Variants in FAM135B observed in about 807,000 individuals in gnomAD.
FAM135B encodes the protein protein FAM135B.
Under a neutral mutation model 127.7 loss-of-function variants are expected in FAM135B, and 43 were observed. That is an observed-to-expected ratio of 0.34 (90% confidence interval 0.26 to 0.43). The LOEUF is 0.43. FAM135B is among the 20% of genes least tolerant of loss of function. The probability of loss-of-function intolerance (pLI) is 1.00; values close to 1 mark genes in which losing one functional copy is unlikely to be tolerated. For missense variants in FAM135B, 1,558 were observed against 1,725.6 expected, an observed-to-expected ratio of 0.90 and a Z score of 1.72; for synonymous variants, 670 against 665.1, an observed-to-expected ratio of 1.01 and a Z score of -0.11.
chr8:138,405,256 C>T (rs1032270804), intron 1 of FAM135B, among the ~76,000 whole-genome samples: 41 of 149,454 alleles, frequency 2.7e-4, no homozygotes, highest in Admixed American at 1.7e-3. Context: ...TTTTAGGGTA[C>T]AAGTGCACAA....
chr8:138,323,555 A>G (rs530649133), intron 2 of FAM135B, among the ~76,000 whole-genome samples: 1 of 152,372 alleles, frequency 6.6e-6, no homozygotes, highest in African/African-American at 2.4e-5. Context: ...TAAGGATGGA[A>G]GAGCAGAAGG....
In FAM135B at chr8:138,453,893, C is replaced by T. The variant is rs147924042; in HGVS notation, c.-20+42778G>A. 4.2e-3 allele frequency among the ~76,000 whole-genome samples: 636 copies of T among 152,236 alleles called. 5 individuals carry two copies. The highest frequency in any genetic ancestry group is 0.015 in the African/African-American group (618 of 41,542). On this transcript the variant is annotated intron_variant, in intron 1 of 19. Transcript: ENST00000395297. ...AGGTCAGATTAAATTATGTAATCCT[C>T]ATAAAGTAGAAGGATCTTTGCTATG...
intron 2 of FAM135B, among the ~76,000 whole-genome samples, chr8:138,346,127 G>A (rs1224596994): frequency 2.0e-5 from 3 of 152,166 alleles, no homozygotes; most frequent in South Asian, 2.1e-4. Flanking sequence ...AGTCAGAATG[G>A]TGATTATTAA....
intron 3 of FAM135B, among the ~76,000 whole-genome samples, chr8:138,286,696 T>A (rs1824713491): frequency 6.6e-6 from 1 of 152,192 alleles, no homozygotes; most frequent in Admixed American, 6.5e-5. Context: ...CCTGGTGCCA[T>A]TTTAAGGCCC....
At chr8:138,300,473 A>G (rs1248347069) in intron 3 of FAM135B, among the ~76,000 whole-genome samples, 1 of 152,100 alleles carries the variant, frequency 6.6e-6, no homozygotes, top group Non-Finnish European at 1.5e-5. Context: ...ATGAAAATGC[A>G]TCTGTGAGCA....
At chr8:138,375,836 C>T (rs1203252690) in intron 1 of FAM135B, among the ~76,000 whole-genome samples, 1 of 152,102 alleles carries the variant, frequency 6.6e-6, no homozygotes, top group Non-Finnish European at 1.5e-5. Context: ...AAATTGTGAC[C>T]TGCAGGTCTT....
At position 138,242,274 on chromosome 8, in the gene FAM135B, T is replaced by C. The variant is rs576469569; in HGVS notation, c.669+668A>G. On this transcript the variant is annotated intron_variant, in intron 7 of 19. Coordinates refer to ENST00000395297, the MANE Select transcript of FAM135B (RefSeq NM_015912.4). This position sits in a 1 kb window ranked among gnomAD's most constrained non-coding sequence, Gnocchi z 9.6. Reference sequence around the variant, plus strand: ...GAGAACCCTGAATAATACAGGCTGTTTATTTATGAGTAGGCCACTAATAAA... The same window carrying C: ...GAGAACCCTGAATAATACAGGCTGTCTATTTATGAGTAGGCCACTAATAAA... Among the ~76,000 whole-genome samples, 5 of 150,472 alleles carry C rather than the reference T, an allele frequency of 3.3e-5. No homozygotes were observed. The highest frequency in any genetic ancestry group is 1.2e-4 in the African/African-American group (5 of 40,984).
At chr8:138,469,167 C>T (rs1837544790) in intron 1 of FAM135B, among the ~76,000 whole-genome samples, 1 of 150,788 alleles carries the variant, frequency 6.6e-6, no homozygotes, top group East Asian at 2.0e-4. Flanking sequence ...GGAAAAAATG[C>T]TTAAAATTTT....
At chr8:138,166,442 CAT>C (rs949061590) in intron 12 of FAM135B, among the ~76,000 whole-genome samples, 1 of 152,224 alleles carries the variant, frequency 6.6e-6, no homozygotes, top group Non-Finnish European at 1.5e-5. Context: ...TACACACAAA[CAT>C]GTGATCTTTT....
At chr8:138,494,426 A>C (rs1815309372) in intron 1 of FAM135B, among the ~76,000 whole-genome samples, 1 of 152,242 alleles carries the variant, frequency 6.6e-6, no homozygotes, top group Non-Finnish European at 1.5e-5. Context: ...TGTGCAAGCG[A>C]TGACACAGCA....
At chr8:138,372,228 C>A (rs1273281968) in intron 1 of FAM135B, among the ~76,000 whole-genome samples, 1 of 152,216 alleles carries the variant, frequency 6.6e-6, no homozygotes, top group Non-Finnish European at 1.5e-5. Flanking sequence ...GCCCTTGGTA[C>A]TGCCCTTCAC....
chr8:138,204,125 C>G (rs1232115512), intron 7 of FAM135B, among the ~76,000 whole-genome samples: 8 of 152,228 alleles, frequency 5.3e-5, no homozygotes, highest in Admixed American at 4.6e-4. Context: ...CAGTACCTGT[C>G]TGTGTCCCAG....
At chr8:138,314,721 A>AAATAAATAAATAAATT (rs1396736185) in intron 2 of FAM135B, among the ~76,000 whole-genome samples, 2 of 150,638 alleles carry the variant, frequency 1.3e-5, no homozygotes, top group Non-Finnish European at 1.5e-5. Flanking sequence ...ATAAATAAAT[A>AAATAAATAAATAAATT]AATTAGCTGG....
chr8:138,338,326 T>C (rs1027670140), intron 2 of FAM135B, among the ~76,000 whole-genome samples: 3 of 151,628 alleles, frequency 2.0e-5, no homozygotes, highest in Admixed American at 6.6e-5. Flanking sequence ...ACAGGCAACC[T>C]ACAAAATGGG....
chr8:138,492,311 A>G (rs1344899979), intron 1 of FAM135B, among the ~76,000 whole-genome samples: 1 of 151,856 alleles, frequency 6.6e-6, no homozygotes. Context: ...ATAGGAAGCA[A>G]TCTGTTCATT....
chr8:138,190,421 G>C (rs1235576808), intron 9 of FAM135B, among the ~76,000 whole-genome samples: 1 of 152,094 alleles, frequency 6.6e-6, no homozygotes, highest in East Asian at 1.9e-4. Context: ...TAAAACAGAG[G>C]GCTTAAGACT....
In FAM135B at chr8:138,362,429, C is replaced by A. The variant is rs1462643519; in HGVS notation, c.77+5478G>T. On this transcript the variant is annotated intron_variant, in intron 2 of 19. Transcript: ENST00000395297. ...CACTGACAGCCATTGGTTGAGTGAC[C>A]CTTTAATTTATGAGACTTTGGTCTG... is the stretch of plus-strand genomic sequence containing the variant. Among the ~76,000 whole-genome samples the A allele has an allele frequency of 2.0e-5, 3 of 151,878 alleles. No homozygotes were observed. In the East Asian group the frequency reaches 5.8e-4, roughly 29 times the overall value.
intron 1 of FAM135B, among the ~76,000 whole-genome samples, chr8:138,384,717 T>C (rs17667285): frequency 0.16 from 24,817 of 151,836 alleles, 2,346 homozygotes; most frequent in Non-Finnish European, 0.22. Context: ...GAAGGAAACA[T>C]AGGAAAGGCT....
At chr8:138,454,508 G>A (rs1423513873) in intron 1 of FAM135B, among the ~76,000 whole-genome samples, 1 of 152,184 alleles carries the variant, frequency 6.6e-6, no homozygotes, top group Non-Finnish European at 1.5e-5. Flanking sequence ...CGAAACAGAG[G>A]AAGAAACTGA....
Sources: gnomAD v4.1 joint callset for allele counts (sites outside exome capture counted in the v4.1 genomes callset) on GRCh38, gnomAD v4.1.1 for gene constraint, Gnocchi (gnomAD v3.1) non-coding constraint, MANE v1.5 for transcripts, NCBI Gene and HGNC (gene_info 2026-07-23, HGNC 2026-07-21) for gene names.